Variants in AKAP13 observed in about 807,000 individuals in gnomAD.
The protein encoded by AKAP13 is A-kinase anchoring protein 13, also known as A-kinase anchor protein 13.
AKAP13 carries 80 observed loss-of-function variants against 264.5 expected under a neutral mutation model. The observed-to-expected ratio is 0.30, with a 90% CI of 0.25 to 0.36. AKAP13 has a LOEUF of 0.36. AKAP13 is among the 10% of genes least tolerant of loss of function. AKAP13 has a pLI of 1.00. For synonymous variants in AKAP13, 1,380 were observed against 1,250.2 expected (o/e 1.10, Z -2.19); for missense variants, 3,712 against 3,435.2 (o/e 1.08, Z -2.01).
intron 17 of AKAP13, among the ~76,000 whole-genome samples, chr15:85,701,687 C>T (rs1013781753): frequency 1.3e-5 from 2 of 151,544 alleles, no homozygotes; most frequent in Non-Finnish European, 2.9e-5. Context: ...AGGTGATCCA[C>T]CCTCCTCAGG....
At position 85,746,826 on chromosome 15, in the gene AKAP13, CCTT is replaced by C. The variant is rs1363455725; in HGVS notation, c.*2150_*2152del. The stretch of plus-strand genomic sequence containing the variant: ...GGCAGTACTGAACCTGCATTCTTCT[CCTT>C]GTAAATGTAGGCCGGGTGCCCCTGT... On this transcript the variant is annotated 3_prime_UTR_variant, in exon 37 of 37. Coordinates refer to ENST00000394518, the MANE Select transcript of AKAP13 (RefSeq NM_007200.5). 1.3e-5 allele frequency: 2 copies of C among 152,182 alleles called. No individual in the cohort carries two copies. The highest frequency in any genetic ancestry group is 2.4e-5 in the African/African-American group (1 of 41,452). 9.4% of individuals were successfully genotyped at this position (152,182 alleles called of 1,614,324 possible). A position where few individuals can be genotyped will look rare whatever the true frequency, so the allele number is the denominator to read the frequency against.
chr15:85,716,173 CT>C (rs1273101892), intron 20 of AKAP13, among the ~76,000 whole-genome samples: 1 of 151,976 alleles, frequency 6.6e-6, no homozygotes, highest in African/African-American at 2.4e-5. Flanking sequence ...ATCAGCCCTA[CT>C]TTTGAAGAAT....
intron 8 of AKAP13, among the ~76,000 whole-genome samples, chr15:85,591,359 A>G (rs890341860): frequency 5.3e-5 from 8 of 152,314 alleles, no homozygotes; most frequent in East Asian, 1.9e-4. Flanking sequence ...CTAAAATTCT[A>G]AAGCCATTGC....
chr15:85,601,608 T>TGTGTGTGTG (rs2080075703), intron 8 of AKAP13, among the ~76,000 whole-genome samples: 50 of 131,990 alleles, frequency 3.8e-4, no homozygotes, highest in African/African-American at 1.1e-3. Flanking sequence ...CCTGAATTCT[T>TGTGTGTGTG]TGTGTGTGTG....
chr15:85,463,048 T>G (rs1226796760), intron 1 of AKAP13, among the ~76,000 whole-genome samples: 15 of 115,254 alleles, frequency 1.3e-4, no homozygotes, highest in Admixed American at 1.3e-3. Flanking sequence ...AAAAAAGAAA[T>G]AAAAATTTTA....
intron 4 of AKAP13, among the ~76,000 whole-genome samples, chr15:85,540,044 GA>G (rs1415548868): frequency 6.6e-6 from 1 of 152,130 alleles, no homozygotes; most frequent in Non-Finnish European, 1.5e-5. Flanking sequence ...TAGAGAAGCA[GA>G]ACCACTAAGA....
intron 5 of AKAP13, chr15:85,555,328 A>G: frequency 2.4e-6 from 2 of 828,104 alleles, no homozygotes; most frequent in South Asian, 2.8e-5. Context: ...AGCCCTCAGA[A>G]AAGGAACTAG....
At chr15:85,698,956 A>G (rs2151657644) in intron 17 of AKAP13, among the ~76,000 whole-genome samples, 1 of 151,566 alleles carries the variant, frequency 6.6e-6, no homozygotes, top group Non-Finnish European at 1.5e-5. Context: ...AAAAAAAAAA[A>G]AAAAAAAAAA....
chr15:85,434,359 G>A (rs188776111), intron 1 of AKAP13, among the ~76,000 whole-genome samples: 79 of 152,334 alleles, frequency 5.2e-4, no homozygotes, highest in African/African-American at 1.8e-3. Context: ...ACAGCAGTCT[G>A]AAATCAAACT....
At chr15:85,448,265 T>C (rs1021704601) in intron 1 of AKAP13, among the ~76,000 whole-genome samples, 19 of 152,360 alleles carry the variant, frequency 1.2e-4, no homozygotes, top group Admixed American at 1.2e-3. Context: ...ATGCTGGATA[T>C]TAGACCTTTG....
intron 8 of AKAP13, among the ~76,000 whole-genome samples, chr15:85,634,941 G>A (rs1293509588): frequency 6.6e-6 from 1 of 151,642 alleles, no homozygotes; most frequent in African/African-American, 2.4e-5. Context: ...ACATTGTATG[G>A]ATATATTATA....
At chr15:85,609,629 C>G (rs567134138) in intron 8 of AKAP13, among the ~76,000 whole-genome samples, 1 of 152,276 alleles carries the variant, frequency 6.6e-6, no homozygotes, top group African/African-American at 2.4e-5. Context: ...AGTGGGATTC[C>G]TAGATCATAC....
chr15:85,565,166 C>G (rs1275877266), intron 5 of AKAP13, among the ~76,000 whole-genome samples: 1 of 152,044 alleles, frequency 6.6e-6, no homozygotes, highest in African/African-American at 2.4e-5. Flanking sequence ...GAAACAATGC[C>G]TGTACTGCAT....
rs538717821 is a variant in AKAP13 at position 85,638,649 on chromosome 15, T to C, written c.4162-725T>C. On this transcript the variant is annotated intron_variant, in intron 8 of 36. Transcript: ENST00000394518. Reference sequence around the variant, plus strand: ...AGGGTTGGGAGGTGTAAAGGCAATATTTAAATTTTTTTTAATTTGTGGGGA... The same window carrying C: ...AGGGTTGGGAGGTGTAAAGGCAATACTTAAATTTTTTTTAATTTGTGGGGA... Among the ~76,000 whole-genome samples the C allele has an allele frequency of 2.1e-4, 32 of 152,262 alleles. No homozygotes were observed. The Middle Eastern group carries it at 0.01, about 49-fold the overall frequency.
chr15:85,589,996 C>T (rs2079522898), intron 8 of AKAP13, among the ~76,000 whole-genome samples: 1 of 152,098 alleles, frequency 6.6e-6, no homozygotes, highest in Admixed American at 6.6e-5. Flanking sequence ...CTAGCTTTAA[C>T]CTTCTAGAGT....
chr15:85,538,321 A>G (rs1463560003), intron 4 of AKAP13, among the ~76,000 whole-genome samples: 2 of 152,152 alleles, frequency 1.3e-5, no homozygotes, highest in Non-Finnish European at 2.9e-5. Flanking sequence ...TCTCCCCTCA[A>G]AGAGAAATTT....
intron 5 of AKAP13, among the ~76,000 whole-genome samples, chr15:85,561,569 T>G (rs956541127): frequency 6.6e-6 from 1 of 152,230 alleles, no homozygotes; most frequent in African/African-American, 2.4e-5. Flanking sequence ...AGTATAAAAT[T>G]GATTTAACTT....
intron 1 of AKAP13, among the ~76,000 whole-genome samples, chr15:85,457,763 T>G (rs1440446265): frequency 6.6e-6 from 1 of 152,214 alleles, no homozygotes; most frequent in Non-Finnish European, 1.5e-5. Flanking sequence ...TGTTTGACCT[T>G]TCTAAGCCAG....
At chr15:85,451,188 TC>T (rs968423652) in intron 1 of AKAP13, among the ~76,000 whole-genome samples, 71 of 152,328 alleles carry the variant, frequency 4.7e-4, no homozygotes, top group African/African-American at 1.6e-3. Flanking sequence ...TTTTTGTGTT[TC>T]CCATTGCTTG....
Sources: gnomAD v4.1 joint callset for allele counts (sites outside exome capture counted in the v4.1 genomes callset) on GRCh38, gnomAD v4.1.1 for gene constraint, MANE v1.5 for transcripts, NCBI Gene and HGNC (gene_info 2026-07-23, HGNC 2026-07-21) for gene names.